Variants in DENND2A observed in about 807,000 individuals in gnomAD.
The protein encoded by DENND2A is DENN domain-containing protein 2A.
Under a neutral mutation model 105.3 loss-of-function variants are expected in DENND2A, and 53 were observed. The observed-to-expected ratio is 0.50, with a 90% CI of 0.40 to 0.63. The LOEUF (loss-of-function observed/expected upper bound fraction) is 0.63, where lower values mean the gene tolerates loss of function less well. Among genes scored for constraint, DENND2A ranks in the 30% least tolerant of loss-of-function variants. The probability of loss-of-function intolerance (pLI) is 0.00; values close to 1 mark genes in which losing one functional copy is unlikely to be tolerated. For synonymous variants in DENND2A, 522 were observed against 508.4 expected, an observed-to-expected ratio of 1.03 and a Z score of -0.36; for missense variants, 1,138 against 1,279.6, an observed-to-expected ratio of 0.89 and a Z score of 1.69.
At chr7:140,606,338 C>T (rs972854333) in intron 1 of DENND2A, among the ~76,000 whole-genome samples, 1 of 152,166 alleles carries the variant, frequency 6.6e-6, no homozygotes, top group South Asian at 2.1e-4. Context: ...CTGTGCCTGG[C>T]CCTCTTTGCA....
chr7:140,522,163 G>C, intron 17 of DENND2A, 63 bp from the exon 18 acceptor site: 2 of 1,584,866 alleles, frequency 1.3e-6, no homozygotes, highest in Non-Finnish European at 1.7e-6. Context: ...GAGCCCTTGA[G>C]ACAAGCCAAT....
intron 5 of DENND2A, among the ~76,000 whole-genome samples, chr7:140,583,519 C>T (rs1194859556): frequency 6.7e-6 from 1 of 150,122 alleles, no homozygotes; most frequent in Non-Finnish European, 1.5e-5. Context: ...TGGTTGGCAC[C>T]TGTGGGCCAC....
intron 3 of DENND2A, among the ~76,000 whole-genome samples, chr7:140,588,766 C>CTTTTTTTTTTTTTT (rs34456581): frequency 1.5e-5 from 2 of 136,846 alleles, no homozygotes; most frequent in Admixed American, 1.5e-4. Flanking sequence ...TTTTTTGGCA[C>CTTTTTTTTTTTTTT]TTTTTTTTTT....
intron 3 of DENND2A, among the ~76,000 whole-genome samples, chr7:140,597,660 G>T (rs967337490): frequency 6.6e-6 from 1 of 152,206 alleles, no homozygotes; most frequent in Non-Finnish European, 1.5e-5. Flanking sequence ...AGAGAGAAAA[G>T]ATAATGGGAA....
chr7:140,612,068 C>T (rs568713903), intron 1 of DENND2A, among the ~76,000 whole-genome samples: 11 of 151,962 alleles, frequency 7.2e-5, no homozygotes, highest in African/African-American at 1.2e-4. Context: ...GGTGAAACCC[C>T]GTCTCTACTA....
chr7:140,624,782 T>G (rs1009122212), intron 1 of DENND2A, among the ~76,000 whole-genome samples: 5 of 148,292 alleles, frequency 3.4e-5, no homozygotes, highest in Non-Finnish European at 6.0e-5. Flanking sequence ...CTGGTGATTG[T>G]TTTTTTTTTA....
intron 5 of DENND2A, among the ~76,000 whole-genome samples, chr7:140,577,073 G>A (rs1798327942): frequency 6.6e-6 from 1 of 152,194 alleles, no homozygotes; most frequent in South Asian, 2.1e-4. Context: ...CCCTGCTGGA[G>A]AAAGGGGATC....
At chr7:140,557,328 T>C (rs1363707443) in intron 11 of DENND2A, among the ~76,000 whole-genome samples, 1 of 150,786 alleles carries the variant, frequency 6.6e-6, no homozygotes. Flanking sequence ...TCACCTGAGC[T>C]GGGGAGGTCG....
At chr7:140,588,766 C>CTTTTTT (rs34456581) in intron 3 of DENND2A, among the ~76,000 whole-genome samples, 1 of 136,846 alleles carries the variant, frequency 7.3e-6, no homozygotes, top group Non-Finnish European at 1.6e-5. Context: ...TTTTTTGGCA[C>CTTTTTT]TTTTTTTTTT....
chr7:140,519,005 G>A (rs578037670), intron 19 of DENND2A, among the ~76,000 whole-genome samples: 5 of 152,258 alleles, frequency 3.3e-5, no homozygotes, highest in Admixed American at 2.0e-4. Context: ...AGGAAGCACC[G>A]AATTAACACA....
chr7:140,583,890 C>T (rs1798657449), intron 5 of DENND2A, among the ~76,000 whole-genome samples: 1 of 143,752 alleles, frequency 7.0e-6, no homozygotes, highest in Non-Finnish European at 1.5e-5. Context: ...CGTGCCACTG[C>T]ACTCCAGCCT....
intron 1 of DENND2A, among the ~76,000 whole-genome samples, chr7:140,619,432 T>C (rs7787161): frequency 0.12 from 17,609 of 151,908 alleles, 2,827 homozygotes; most frequent in African/African-American, 0.36. Flanking sequence ...TCCAGGGTGA[T>C]GAAAGTGTTC....
chr7:140,562,269 A>G (rs925748676), intron 9 of DENND2A, among the ~76,000 whole-genome samples: 12 of 152,298 alleles, frequency 7.9e-5, no homozygotes, highest in African/African-American at 2.6e-4. Flanking sequence ...CTGATGGTCA[A>G]CAAGCCTTCC....
In DENND2A at chr7:140,602,427, C is replaced by T. The variant is rs763730397; in HGVS notation, c.-30G>A. 119 of 1,516,600 alleles carry T rather than the reference C, an allele frequency of 7.8e-5. No homozygotes were observed. The highest frequency in any genetic ancestry group is 9.8e-5 in the Non-Finnish European group (112 of 1,137,784). 93.9% of individuals were successfully genotyped at this position (1,516,600 alleles called of 1,614,324 possible). ...GACTCTAGCGTGAGGTTGTGGAGGC[C>T]TTCCAGGGGACTCCTTCTGAAGCCT... On this transcript the variant is annotated 5_prime_UTR_variant, in exon 3 of 20. Coordinates refer to ENST00000496613, the MANE Select transcript of DENND2A (RefSeq NM_015689.5).
intron 11 of DENND2A, among the ~76,000 whole-genome samples, chr7:140,557,175 TG>T (rs1359755427): frequency 6.6e-6 from 1 of 151,734 alleles, no homozygotes; most frequent in Non-Finnish European, 1.5e-5. Flanking sequence ...GAGGCCGAGG[TG>T]GGAGGATTAC....
intron 1 of DENND2A, among the ~76,000 whole-genome samples, chr7:140,637,614 C>T (rs1216193970): frequency 1.3e-5 from 2 of 152,170 alleles, no homozygotes; most frequent in African/African-American, 4.8e-5. Context: ...GAGGCAGGCT[C>T]TACATCCAGT....
intron 13 of DENND2A, among the ~76,000 whole-genome samples, chr7:140,545,423 T>C (rs775755558): frequency 6.6e-6 from 1 of 152,174 alleles, no homozygotes; most frequent in Non-Finnish European, 1.5e-5. Context: ...CAGTCTTGGC[T>C]TATTGCAGCC....
chr7:140,589,288 C>A (rs953691823), intron 3 of DENND2A, among the ~76,000 whole-genome samples: 7 of 152,160 alleles, frequency 4.6e-5, no homozygotes, highest in Non-Finnish European at 7.3e-5. Context: ...CTGTTGGGAA[C>A]CTGAACTAAT....
chr7:140,569,003 CA>C (rs1364562109), intron 7 of DENND2A, among the ~76,000 whole-genome samples, 190 bp from the exon 8 acceptor site: 1 of 152,024 alleles, frequency 6.6e-6, no homozygotes, highest in Non-Finnish European at 1.5e-5. Flanking sequence ...CGGCTCACTG[CA>C]ACCTCTGCCT....
Sources: allele counts gnomAD v4.1 joint callset (sites outside exome capture counted in the v4.1 genomes callset), GRCh38; gene constraint gnomAD v4.1.1; transcripts MANE v1.5; gene names NCBI Gene and HGNC (gene_info 2026-07-23, HGNC 2026-07-21).